Variants in ANXA4 observed in about 807,000 individuals in gnomAD.
ANXA4 encodes the protein annexin A4.
Under a neutral mutation model 49.8 loss-of-function variants are expected in ANXA4, and 39 were observed. The observed-to-expected ratio is 0.78, with a 90% CI of 0.61 to 1.02. ANXA4 has a LOEUF of 1.02. ANXA4 is among the 50% of genes least tolerant of loss of function. The probability of loss-of-function intolerance (pLI) is 0.00; values close to 1 mark genes in which losing one functional copy is unlikely to be tolerated. For missense variants in ANXA4, 360 were observed against 410.1 expected (o/e 0.88, Z 1.05); for synonymous variants, 134 against 152.5 (o/e 0.88, Z 0.89).
chr2:69,643,860 A>C (rs1675880386), upstream of ANXA4: 1 of 1,178,334 alleles, frequency 8.5e-7, no homozygotes, highest in East Asian at 3.8e-5. Context: ...CTCTCCTGCA[A>C]CCGCCGTTCT....
At chr2:69,751,639 A>G (rs1471425191) in intron 1 of ANXA4, among the ~76,000 whole-genome samples, 2 of 152,068 alleles carry the variant, frequency 1.3e-5, no homozygotes, top group Non-Finnish European at 2.9e-5. Flanking sequence ...CTTGTCCAAG[A>G]TGAACTTGAT....
chr2:69,718,519 C>T (rs1271800590), intron 2 of ANXA4, among the ~76,000 whole-genome samples: 2 of 152,214 alleles, frequency 1.3e-5, no homozygotes. Context: ...GTCATAGAAT[C>T]ACTCAGGTTC....
chr2:69,799,829 T>C (rs1401291921), intron 3 of ANXA4, among the ~76,000 whole-genome samples: 1 of 152,196 alleles, frequency 6.6e-6, no homozygotes, highest in Non-Finnish European at 1.5e-5. Flanking sequence ...CACTTGACCA[T>C]GAGACCATCT....
chr2:69,671,153 T>C (rs1461676061), intron 2 of ANXA4, among the ~76,000 whole-genome samples: 1 of 152,010 alleles, frequency 6.6e-6, no homozygotes, highest in South Asian at 2.1e-4. Flanking sequence ...TTTATGACTT[T>C]GGGGTGGAGA....
At chr2:69,740,510 G>A (rs1223600403), upstream of ANXA4, among the ~76,000 whole-genome samples, 2 of 152,032 alleles carry the variant, frequency 1.3e-5, no homozygotes, top group African/African-American at 4.8e-5. Flanking sequence ...CTGGAGTGCA[G>A]TGGTGCAGTC....
At position 69,757,073 on chromosome 2, in the gene ANXA4, C is replaced by T. The variant is rs192158982; in HGVS notation, c.-47+14898C>T. On this transcript the variant is annotated intron_variant, in intron 1 of 12. Transcript: ENST00000394295. ...TTCCGACTAGCTGAGACTACAGGCA[C>T]GTGCCACCATGCCCGGCTAATTTTT... Among the ~76,000 whole-genome samples the T allele has an allele frequency of 2.8e-3, 416 of 149,526 alleles. 5 individuals carry two copies. The highest frequency in any genetic ancestry group is 7.3e-3 in the Admixed American group (110 of 15,014).
At chr2:69,824,574 C>T (rs1226407355) in intron 12 of ANXA4, among the ~76,000 whole-genome samples, 1 of 150,250 alleles carries the variant, frequency 6.7e-6, no homozygotes, top group African/African-American at 2.4e-5. Context: ...AAAATTTATC[C>T]AGAATAAATC....
intron 3 of ANXA4, among the ~76,000 whole-genome samples, chr2:69,789,366 T>C (rs564674247): frequency 1.3e-5 from 2 of 152,272 alleles, no homozygotes; most frequent in East Asian, 3.9e-4. Context: ...TCCACATTCT[T>C]GCCTTGAGTC....
intron 2 of ANXA4, among the ~76,000 whole-genome samples, chr2:69,675,530 A>G (rs985835079): frequency 6.6e-6 from 1 of 152,238 alleles, no homozygotes; most frequent in Non-Finnish European, 1.5e-5. Context: ...TCACACTGTC[A>G]GGCTTCTCAA....
intron 1 of ANXA4, among the ~76,000 whole-genome samples, chr2:69,759,177 A>G (rs920564729): frequency 1.3e-5 from 2 of 152,064 alleles, no homozygotes; most frequent in Non-Finnish European, 2.9e-5. Flanking sequence ...GAAAATCTGA[A>G]CAACCAATAG....
intron 3 of ANXA4, among the ~76,000 whole-genome samples, chr2:69,790,577 G>A (rs1217334075): frequency 6.6e-6 from 1 of 152,206 alleles, no homozygotes; most frequent in Non-Finnish European, 1.5e-5. Context: ...GAGCCATTCA[G>A]ATGGGTTGTG....
intron 3 of ANXA4, among the ~76,000 whole-genome samples, chr2:69,801,993 G>A (rs1673219514): frequency 6.6e-6 from 1 of 152,194 alleles, no homozygotes; most frequent in Non-Finnish European, 1.5e-5. Flanking sequence ...CTGGAGTGCA[G>A]CACAGTTGGG....
chr2:69,665,021 T>C (rs764967747), intron 2 of ANXA4, among the ~76,000 whole-genome samples: 2 of 152,148 alleles, frequency 1.3e-5, no homozygotes, highest in Non-Finnish European at 2.9e-5. Flanking sequence ...GAGAATCACT[T>C]GACCCTGGGA....
At chr2:69,721,655 T>C (rs942313607) in intron 3 of ANXA4, among the ~76,000 whole-genome samples, 1 of 151,708 alleles carries the variant, frequency 6.6e-6, no homozygotes, top group Non-Finnish European at 1.5e-5. Context: ...GCTGTGATCA[T>C]GCCACTGCAT....
At chr2:69,819,509 C>G in intron 11 of ANXA4, among the ~76,000 whole-genome samples, 171 bp downstream of exon 11, 1 of 152,146 alleles carries the variant, frequency 6.6e-6, no homozygotes, top group East Asian at 1.9e-4. Flanking sequence ...TTACTGAGTA[C>G]TTAGGATGTA....
rs1223747345 is a variant in ANXA4 at position 69,796,318 on chromosome 2, C to G, written c.97+8177C>G. On this transcript the variant is annotated intron_variant, in intron 3 of 12. Transcript: ENST00000394295. ...CAAGCCTGCAAAGCATCTCCTTGAG[C>G]CTTAGTCACTTTCTCTTTTTCTCCT... Among the ~76,000 whole-genome samples, 26 of 152,184 alleles carry G rather than the reference C, an allele frequency of 1.7e-4. 1 individual carries two copies. Among genetic ancestry groups the G allele is most frequent in the Admixed American group, 1.7e-3 (26 of 15,288 alleles).
chr2:69,779,302 C>G (rs1432917701), intron 1 of ANXA4, among the ~76,000 whole-genome samples: 2 of 152,160 alleles, frequency 1.3e-5, no homozygotes. Context: ...AATGTGTCGT[C>G]TATCTCTCCT....
intron 1 of ANXA4, among the ~76,000 whole-genome samples, chr2:69,756,212 G>A (rs1671032978): frequency 6.6e-6 from 1 of 152,182 alleles, no homozygotes; most frequent in South Asian, 2.1e-4. Flanking sequence ...CCAGTCACTT[G>A]GAAGCTACCA....
At position 69,788,755 on chromosome 2, in the gene ANXA4, G is replaced by A. The variant is rs960557312; in HGVS notation, c.97+614G>A. 8.7e-5 allele frequency among the ~76,000 whole-genome samples: 13 copies of A among 149,580 alleles called. No homozygotes were observed. In the East Asian group the frequency reaches 1.4e-3, roughly 16 times the overall value. ...CAGGAGGCTGAGGCAGGAGAATGGC[G>A]TGAACCCGGGAGGTGGAGCTTGCAG... On this transcript the variant is annotated intron_variant, in intron 3 of 12. Coordinates refer to ENST00000394295, the MANE Select transcript of ANXA4 (RefSeq NM_001153.5).
Sources: gnomAD v4.1 joint callset for allele counts (sites outside exome capture counted in the v4.1 genomes callset) on GRCh38, gnomAD v4.1.1 for gene constraint, MANE v1.5 for transcripts, NCBI Gene and HGNC (gene_info 2026-07-23, HGNC 2026-07-21) for gene names.